The following SLC2A14 variants were observed in gnomAD, a reference collection of about 807,000 sequenced individuals.
SLC2A14 encodes solute carrier family 2, facilitated glucose transporter member 14.
SLC2A14 carries 13 observed loss-of-function variants against 43.0 expected under a neutral mutation model. That is an observed-to-expected ratio of 0.30 (90% CI 0.20 to 0.48). The LOEUF is 0.48. Among genes scored for constraint, SLC2A14 ranks in the 20% least tolerant of loss-of-function variants. SLC2A14 has a pLI of 0.99. For missense variants in SLC2A14, 428 were observed against 620.4 expected, an observed-to-expected ratio of 0.69 and a Z score of 3.29; for synonymous variants, 190 against 233.8, an observed-to-expected ratio of 0.81 and a Z score of 1.71.
chr12:7,882,382 G>A (rs1231286983), intron 1 of SLC2A14, among the ~76,000 whole-genome samples: 2 of 152,006 alleles, frequency 1.3e-5, no homozygotes, highest in Admixed American at 1.3e-4. Context: ...AACTCCAGAT[G>A]CGCCACATTT....
chr12:7,858,624 C>G (rs140702127), intron 2 of SLC2A14, among the ~76,000 whole-genome samples: 2 of 152,152 alleles, frequency 1.3e-5, no homozygotes, highest in African/African-American at 4.8e-5. Context: ...CTCAGCCTCC[C>G]GAGTAGCTGG....
intron 2 of SLC2A14, among the ~76,000 whole-genome samples, chr12:7,868,850 T>C (rs1359401090): frequency 6.6e-6 from 1 of 151,442 alleles, no homozygotes; most frequent in East Asian, 1.9e-4. Context: ...TCTACAAAAA[T>C]ACAAAAAAAT....
In SLC2A14 at chr12:7,821,353, G is replaced by A. The variant is rs1863893743; in HGVS notation, c.865-28C>T. Reference sequence around the variant, plus strand: ...AGGAGAAAAGAAAACATGCAGCTTTGATAAAATTCTGCACACCACTTACAC... The same window carrying A: ...AGGAGAAAAGAAAACATGCAGCTTTAATAAAATTCTGCACACCACTTACAC... On this transcript the variant is annotated intron_variant, in intron 7 of 10. Coordinates refer to ENST00000431042, the MANE Select transcript of SLC2A14 (RefSeq NM_001286234.2). 3 of 1,579,202 alleles carry A rather than the reference G, an allele frequency of 1.9e-6. No individual in the cohort carries two copies. In the South Asian group the frequency reaches 3.3e-5, roughly 17 times the overall value.
At chr12:7,862,899 A>T (rs918280985) in intron 2 of SLC2A14, among the ~76,000 whole-genome samples, 3 of 152,092 alleles carry the variant, frequency 2.0e-5, no homozygotes, top group Middle Eastern at 3.2e-3. Context: ...TATCTGGCTC[A>T]GGGATTGTAA....
intron 1 of SLC2A14, among the ~76,000 whole-genome samples, chr12:7,883,590 C>CTTTTTTTTTTTTTTTTT (rs1204450230): frequency 9.7e-4 from 92 of 95,182 alleles, no homozygotes; most frequent in African/African-American, 1.2e-3. Context: ...TTTTTCTTTT[C>CTTTTTTTTTTTTTTTTT]TTTTTTTTTT....
Position 7,831,880 on chromosome 12 carries a change from G to T in SLC2A14, c.112-116C>A, listed in dbSNP as rs148720531. 7.2e-4 allele frequency: 956 copies of T among 1,320,838 alleles called. 4 individuals carry two copies. In the African/African-American group the frequency reaches 0.012, roughly 17 times the overall value. The allele number at this position is 1,320,838 out of a possible 1,614,324, so 81.8% of individuals were successfully genotyped here. ...TCCCAGCACTTTGGAAGGCCGAGGC[G>T]GGTGGATCACCTGAGGTCAGGAGTT... On this transcript the variant is annotated intron_variant, in intron 3 of 10. Coordinates refer to ENST00000431042, the MANE Select transcript of SLC2A14 (RefSeq NM_001286234.2).
chr12:7,815,000 A>G (rs1863307562), intron 10 of SLC2A14, among the ~76,000 whole-genome samples: 2 of 151,956 alleles, frequency 1.3e-5, no homozygotes, highest in African/African-American at 4.8e-5. Flanking sequence ...GGGTTTCACC[A>G]TATTGGCCAG....
At position 7,872,850 on chromosome 12, in the gene SLC2A14, A is replaced by C. The variant is rs1480774790; in HGVS notation, c.-101T>G. 2.2e-5 allele frequency: 22 copies of C among 985,334 alleles called. 2 individuals carry two copies. Among genetic ancestry groups the C allele is most frequent in the Non-Finnish European group, 2.7e-5 (22 of 830,008 alleles). The allele number at this position is 985,334 out of a possible 1,614,324, so 61.0% of individuals were successfully genotyped here. A position where few individuals can be genotyped will look rare whatever the true frequency, so the allele number is the denominator to read the frequency against. ...GCGGTTGGGCCCCGCGGCTTCGCTCAACCACGCACCTCCCGGGCCGCTGCG... is the reference window on the plus strand; with the variant it reads ...GCGGTTGGGCCCCGCGGCTTCGCTCCACCACGCACCTCCCGGGCCGCTGCG... On this transcript the variant is annotated 5_prime_UTR_variant, in exon 1 of 11. Transcript: ENST00000431042.
intron 5 of SLC2A14, among the ~76,000 whole-genome samples, chr12:7,829,562 A>AAAAAAG (rs1005489430): frequency 2.0e-5 from 3 of 151,744 alleles, no homozygotes; most frequent in African/African-American, 7.3e-5. Flanking sequence ...CTCAAAAAAA[A>AAAAAAG]AAAAAGAAAA....
At chr12:7,836,591 A>G (rs1489463098) in intron 2 of SLC2A14, among the ~76,000 whole-genome samples, 1 of 152,036 alleles carries the variant, frequency 6.6e-6, no homozygotes, top group Non-Finnish European at 1.5e-5. Flanking sequence ...GCACTTTGGG[A>G]GGCTGAGGAG....
chr12:7,825,766 C>CAAAAAAAAAA (rs35156149), intron 7 of SLC2A14, among the ~76,000 whole-genome samples: 2 of 121,258 alleles, frequency 1.6e-5, no homozygotes, highest in Non-Finnish European at 3.3e-5. Context: ...CTCTGTCTCA[C>CAAAAAAAAAA]AAAAAAAAAA....
intron 1 of SLC2A14, among the ~76,000 whole-genome samples, chr12:7,884,098 T>G (rs767517428): frequency 9.1e-6 from 1 of 110,204 alleles, no homozygotes; most frequent in Non-Finnish European, 2.0e-5. Flanking sequence ...TAATTTTTTG[T>G]ATTTTTAGTA....
At chr12:7,857,929 A>C (rs959929318) in intron 2 of SLC2A14, among the ~76,000 whole-genome samples, 2 of 151,956 alleles carry the variant, frequency 1.3e-5, no homozygotes, top group Non-Finnish European at 2.9e-5. Context: ...GTTGAGACCA[A>C]CCTGGCCAAC....
Position 7,829,096 on chromosome 12 carries a change from C to G in SLC2A14, c.514-230G>C, listed in dbSNP as rs146831287. ...GGCGTGATGGTGGGCACCTGCAATC[C>G]CAGCTACTCAGGAGGCTGAGGCAGA... is the stretch of plus-strand genomic sequence containing the variant. On this transcript the variant is annotated intron_variant, in intron 5 of 10. Transcript: ENST00000431042. 2.0e-5 allele frequency among the ~76,000 whole-genome samples: 3 copies of G among 152,052 alleles called. No individual in the cohort carries two copies. The South Asian group carries it at 6.2e-4, about 32-fold the overall frequency.
intron 2 of SLC2A14, among the ~76,000 whole-genome samples, chr12:7,847,277 A>G (rs1004825376): frequency 1.1e-4 from 16 of 152,026 alleles, no homozygotes; most frequent in African/African-American, 3.6e-4. Context: ...AAGGAAAGAA[A>G]ATATACATGT....
intron 1 of SLC2A14, among the ~76,000 whole-genome samples, chr12:7,882,506 C>T (rs759560019): frequency 2.6e-5 from 4 of 152,006 alleles, no homozygotes; most frequent in African/African-American, 4.8e-5. Context: ...GGCAACGGAG[C>T]GAAACTTACC....
intron 1 of SLC2A14, among the ~76,000 whole-genome samples, chr12:7,882,993 A>G (rs1347727477): frequency 1.3e-5 from 2 of 151,836 alleles, no homozygotes; most frequent in Admixed American, 6.6e-5. Flanking sequence ...GGCGGATCAC[A>G]AGGTCAGGAG....
intron 2 of SLC2A14, among the ~76,000 whole-genome samples, chr12:7,855,778 C>T (rs1278508887): frequency 6.6e-6 from 1 of 151,966 alleles, no homozygotes; most frequent in Admixed American, 6.6e-5. Context: ...GCTGGGATTA[C>T]AGGCTCACTC....
At chr12:7,871,947 G>A (rs1224868908) in intron 1 of SLC2A14, 2 of 979,832 alleles carry the variant, frequency 2.0e-6, no homozygotes, top group Non-Finnish European at 1.2e-6. Context: ...TCCAATAGAG[G>A]GCTGAGCATG....
Sources: gnomAD v4.1 joint callset for allele counts (sites outside exome capture counted in the v4.1 genomes callset) on GRCh38, gnomAD v4.1.1 for gene constraint, MANE v1.5 for transcripts, NCBI Gene and HGNC (gene_info 2026-07-23, HGNC 2026-07-21) for gene names.